Variants in POC1A observed in about 807,000 individuals in gnomAD.
POC1A encodes the protein POC1 centriolar protein homolog A.
A neutral mutation model predicts 47.8 loss-of-function variants in POC1A; 34 were observed. The observed-to-expected ratio is 0.71, with a 90% CI of 0.54 to 0.95. The LOEUF is 0.95. POC1A is among the 40% of genes least tolerant of loss of function. POC1A has a pLI of 0.00. For synonymous variants in POC1A, 177 were observed against 207.6 expected (o/e 0.85, Z 1.27); for missense variants, 466 against 528.3 (o/e 0.88, Z 1.16).
chr3:52,094,459 A>G (rs2106965519), intron 10 of POC1A, among the ~76,000 whole-genome samples: 1 of 152,336 alleles, frequency 6.6e-6, no homozygotes, highest in Middle Eastern at 3.4e-3. Flanking sequence ...CCTGGTGGAG[A>G]TAGCTCTGGC....
intron 3 of POC1A, 143 bp downstream of exon 3, chr3:52,149,673 C>G: frequency 1.2e-6 from 1 of 815,224 alleles, no homozygotes; most frequent in Non-Finnish European, 1.9e-6. Flanking sequence ...AACTGCAGCC[C>G]CAGCCTCTGA....
chr3:52,135,572 CT>C (rs1704424998), intron 7 of POC1A, among the ~76,000 whole-genome samples: 1 of 152,172 alleles, frequency 6.6e-6, no homozygotes, highest in African/African-American at 2.4e-5. Flanking sequence ...TTCTGAATCA[CT>C]CCAAATCCAG....
intron 1 of POC1A, among the ~76,000 whole-genome samples, chr3:52,151,948 T>C (rs574936910): frequency 6.6e-6 from 1 of 151,744 alleles, no homozygotes; most frequent in East Asian, 1.9e-4. Context: ...AAAACACAGA[T>C]ACTATAGAAA....
chr3:52,092,003 C>A (rs1702659840), intron 10 of POC1A, among the ~76,000 whole-genome samples: 1 of 152,194 alleles, frequency 6.6e-6, no homozygotes, highest in African/African-American at 2.4e-5. Context: ...AACAGAGCAG[C>A]CCTGAAACTC....
chr3:52,129,378 CTG>C (rs983106636), intron 7 of POC1A, among the ~76,000 whole-genome samples: 1 of 152,244 alleles, frequency 6.6e-6, no homozygotes, highest in African/African-American at 2.4e-5. Context: ...TTTTTGGAGA[CTG>C]TTCTACCCTC....
intron 9 of POC1A, among the ~76,000 whole-genome samples, chr3:52,098,618 C>G (rs1352409459): frequency 6.6e-6 from 1 of 152,172 alleles, no homozygotes; most frequent in African/African-American, 2.4e-5. Context: ...CATGGGCTGT[C>G]TCCATTTGAC....
At chr3:52,114,975 A>G (rs560247180) in intron 9 of POC1A, among the ~76,000 whole-genome samples, 1 of 152,242 alleles carries the variant, frequency 6.6e-6, no homozygotes, top group African/African-American at 2.4e-5. Context: ...GCCACAACAC[A>G]TTAACAGGCA....
At chr3:52,102,313 C>G (rs1415096876) in intron 9 of POC1A, among the ~76,000 whole-genome samples, 6 of 152,224 alleles carry the variant, frequency 3.9e-5, no homozygotes, top group African/African-American at 1.4e-4. Context: ...AATTCTCTCA[C>G]AGTTCTGGAA....
intron 10 of POC1A, among the ~76,000 whole-genome samples, chr3:52,080,358 A>G (rs1017598464): frequency 2.6e-5 from 4 of 152,232 alleles, no homozygotes; most frequent in African/African-American, 9.6e-5. Flanking sequence ...AGCCTGAGGA[A>G]AGACTAGGGG....
intron 6 of POC1A, among the ~76,000 whole-genome samples, chr3:52,143,335 C>T (rs998097341): frequency 6.6e-6 from 1 of 152,052 alleles, no homozygotes; most frequent in African/African-American, 2.4e-5. Context: ...TGCCCTCTGC[C>T]AAGCCTGCTC....
At chr3:52,135,926 T>G (rs1704440813) in intron 7 of POC1A, among the ~76,000 whole-genome samples, 3 of 152,146 alleles carry the variant, frequency 2.0e-5, no homozygotes, top group Admixed American at 6.5e-5. Flanking sequence ...GGTATTGACT[T>G]GCCACCACCA....
At chr3:52,108,607 C>A (rs1280696179) in intron 9 of POC1A, among the ~76,000 whole-genome samples, 3 of 152,178 alleles carry the variant, frequency 2.0e-5, no homozygotes, top group Admixed American at 6.5e-5. Context: ...TGTGCAGCAT[C>A]ACAGGACACG....
At position 52,150,058 on chromosome 3, in the gene POC1A, G is replaced by C. The variant is rs189071526; in HGVS notation, c.104-71C>G. 3.8e-3 allele frequency: 5,201 copies of C among 1,357,882 alleles called. 14 individuals carry two copies. Among genetic ancestry groups the C allele is most frequent in the Middle Eastern group, 0.01 (54 of 5,354 alleles). The allele number at this position is 1,357,882 out of a possible 1,614,324, so 84.1% of individuals were successfully genotyped here. A position where few individuals can be genotyped will look rare whatever the true frequency, so the allele number is the denominator to read the frequency against. The stretch of plus-strand genomic sequence containing the variant: ...CAAGCCTCCACCAAGACATTGGAGA[G>C]GCAGGGGGAGCAACTGGCCCAGCTC... On this transcript the variant is annotated intron_variant, in intron 2 of 10. Coordinates refer to ENST00000296484, the MANE Select transcript of POC1A (RefSeq NM_015426.5).
intron 7 of POC1A, among the ~76,000 whole-genome samples, chr3:52,126,733 G>A (rs1054938064): frequency 1.3e-5 from 2 of 152,182 alleles, no homozygotes; most frequent in African/African-American, 2.4e-5. Context: ...GTCATCCCAC[G>A]GCAGAAGGGC....
At position 52,103,045 on chromosome 3, in the gene POC1A, C is replaced by G. The variant is rs1703051995; in HGVS notation, c.982-6333G>C. On this transcript the variant is annotated intron_variant, in intron 9 of 10. Transcript: ENST00000296484. ...TAATGGAACAAAGAGAATCCAGAAA[C>G]TCTAGACCAGTATCCGGCCAGTTAA... Among the ~76,000 whole-genome samples the G allele has an allele frequency of 5.3e-5, 8 of 152,228 alleles. No homozygotes were observed. In the South Asian group the frequency reaches 1.7e-3, roughly 31 times the overall value.
Position 52,154,414 on chromosome 3 carries a change from C to A in POC1A, c.-42G>T, listed in dbSNP as rs753553543. ...CCGAAGGCAGCTGCGGTGGCCGTTGCGGCCCGTTCAGTTTCCGCGCCCCCA... is the reference window on the plus strand; with the variant it reads ...CCGAAGGCAGCTGCGGTGGCCGTTGAGGCCCGTTCAGTTTCCGCGCCCCCA... On this transcript the variant is annotated 5_prime_UTR_variant, in exon 1 of 11. Coordinates refer to ENST00000296484, the MANE Select transcript of POC1A (RefSeq NM_015426.5). The A allele has an allele frequency of 5.0e-6, 7 of 1,414,078 alleles. No homozygotes were observed. The highest frequency in any genetic ancestry group is 1.5e-5 in the African/African-American group (1 of 65,612). The allele number at this position is 1,414,078 out of a possible 1,614,324, so 87.6% of individuals were successfully genotyped here. A position where few individuals can be genotyped will look rare whatever the true frequency, so the allele number is the denominator to read the frequency against.
At chr3:52,142,900 C>T (rs2107178673) in intron 6 of POC1A, among the ~76,000 whole-genome samples, 1 of 152,224 alleles carries the variant, frequency 6.6e-6, no homozygotes, top group South Asian at 2.1e-4. Context: ...CCAGAGCAGA[C>T]CTGGCCATGT....
At chr3:52,123,467 G>A (rs758683200) in intron 8 of POC1A, among the ~76,000 whole-genome samples, 2 of 152,208 alleles carry the variant, frequency 1.3e-5, no homozygotes, top group Non-Finnish European at 2.9e-5. Flanking sequence ...CACTCCATAT[G>A]CCCTGGACAC....
intron 6 of POC1A, among the ~76,000 whole-genome samples, chr3:52,141,364 G>A (rs376457555): frequency 2.6e-4 from 39 of 152,368 alleles, no homozygotes; most frequent in Middle Eastern, 3.4e-3. Flanking sequence ...GACCATGCCA[G>A]GGCCAAGCCC....
Sources: allele counts gnomAD v4.1 joint callset (sites outside exome capture counted in the v4.1 genomes callset), GRCh38; gene constraint gnomAD v4.1.1; transcripts MANE v1.5; gene names NCBI Gene and HGNC (gene_info 2026-07-23, HGNC 2026-07-21).